The following SCHIP1 variants were observed in gnomAD, a reference collection of about 807,000 sequenced individuals.
SCHIP1 encodes schwannomin-interacting protein 1.
In SCHIP1, 8 loss-of-function variants were observed where a neutral mutation model predicts 29.7. The ratio of observed to expected loss-of-function variants is 0.27; its 90% CI spans 0.16 to 0.49. The LOEUF (loss-of-function observed/expected upper bound fraction) is 0.49, where lower values mean the gene tolerates loss of function less well. SCHIP1 is among the 20% of genes least tolerant of loss of function. The probability of loss-of-function intolerance (pLI) is 0.99; values close to 1 mark genes in which losing one functional copy is unlikely to be tolerated. For missense variants in SCHIP1, 193 were observed against 294.6 expected (o/e 0.66, Z 2.52); for synonymous variants, 76 against 94.9 (o/e 0.80, Z 1.16).
the SCHIP1 span, chr3:159,273,655 G>C: frequency 7.3e-7 from 1 of 1,368,922 alleles, no homozygotes; most frequent in Non-Finnish European, 9.4e-7. Flanking sequence ...TGAGCATGGT[G>C]GTTGATAACC....
chr3:159,299,330 T>A, the SCHIP1 span, among the ~76,000 whole-genome samples: 3 of 152,306 alleles, frequency 2.0e-5, no homozygotes, highest in South Asian at 6.2e-4. Context: ...GACTGTTTTA[T>A]CCTCTTACTC....
the SCHIP1 span, among the ~76,000 whole-genome samples, chr3:159,367,850 G>T: frequency 6.6e-6 from 1 of 152,106 alleles, no homozygotes; most frequent in African/African-American, 2.4e-5. Flanking sequence ...AATGTCACAA[G>T]ATAGCATATC....
At chr3:159,777,586 G>A in the SCHIP1 span, among the ~76,000 whole-genome samples, 14 of 152,270 alleles carry the variant, frequency 9.2e-5, no homozygotes, top group Middle Eastern at 3.4e-3. Flanking sequence ...TCAGGGAACT[G>A]TGTCATGATT....
chr3:159,556,626 G>A, the SCHIP1 span, among the ~76,000 whole-genome samples: 507 of 151,938 alleles, frequency 3.3e-3, 2 homozygotes, highest in African/African-American at 0.012. Context: ...TAGGGACATG[G>A]ATGAAATTGG....
the SCHIP1 span, among the ~76,000 whole-genome samples, chr3:159,313,851 A>T: frequency 2.0e-5 from 3 of 152,236 alleles, no homozygotes; most frequent in East Asian, 5.8e-4. Flanking sequence ...AACTCCTTTG[A>T]AGAATACTAT....
chr3:159,693,953 T>C, the SCHIP1 span, among the ~76,000 whole-genome samples: 9 of 152,204 alleles, frequency 5.9e-5, no homozygotes, highest in Non-Finnish European at 1.3e-4. Context: ...TACAGCTCTG[T>C]CTGCTTGAAT....
At chr3:159,556,068 CAAG>C in the SCHIP1 span, among the ~76,000 whole-genome samples, 4 of 152,078 alleles carry the variant, frequency 2.6e-5, no homozygotes, top group African/African-American at 9.6e-5. Context: ...AACAAATTTA[CAAG>C]AAAAAAACAA....
At chr3:159,597,216 T>C in the SCHIP1 span, among the ~76,000 whole-genome samples, 1 of 152,060 alleles carries the variant, frequency 6.6e-6, no homozygotes, top group Non-Finnish European at 1.5e-5. Context: ...ACTAATTATA[T>C]AGATATTTTT....
At chr3:159,728,835 C>T in the SCHIP1 span, among the ~76,000 whole-genome samples, 1 of 152,136 alleles carries the variant, frequency 6.6e-6, no homozygotes, top group Non-Finnish European at 1.5e-5. Context: ...TTTTGAAGCT[C>T]TCAGGTTTAC....
chr3:159,880,488 T>C (rs1577482938), intron 2 of SCHIP1, among the ~76,000 whole-genome samples: 2 of 152,362 alleles, frequency 1.3e-5, no homozygotes, highest in Middle Eastern at 6.8e-3. Flanking sequence ...ATCCAAGCAC[T>C]TGATATCTGT....
the SCHIP1 span, among the ~76,000 whole-genome samples, chr3:159,717,394 A>G: frequency 6.6e-6 from 1 of 152,240 alleles, no homozygotes; most frequent in East Asian, 1.9e-4. Context: ...AGCAGAACTG[A>G]AGGAGATAGA....
the SCHIP1 span, among the ~76,000 whole-genome samples, chr3:159,757,170 T>C: frequency 6.6e-6 from 1 of 152,212 alleles, no homozygotes; most frequent in Non-Finnish European, 1.5e-5. Context: ...ATGCTGCTGA[T>C]AAAGACATAC....
the SCHIP1 span, among the ~76,000 whole-genome samples, chr3:159,348,402 T>A: frequency 2.0e-5 from 3 of 152,152 alleles, no homozygotes; most frequent in Non-Finnish European, 4.4e-5. Context: ...TATTAAACCA[T>A]ATTTACACAA....
chr3:159,343,557 A>T, the SCHIP1 span, among the ~76,000 whole-genome samples: 1 of 152,184 alleles, frequency 6.6e-6, no homozygotes, highest in South Asian at 2.1e-4. Flanking sequence ...TTGATGGCAA[A>T]TCACAAGAGG....
chr3:159,602,834 C>T, the SCHIP1 span, among the ~76,000 whole-genome samples: 45 of 152,248 alleles, frequency 3.0e-4, no homozygotes, highest in African/African-American at 9.6e-4. Flanking sequence ...ACACAGAAGA[C>T]TTCTGTGACC....
chr3:159,390,571 A>G, the SCHIP1 span, among the ~76,000 whole-genome samples: 2 of 152,148 alleles, frequency 1.3e-5, no homozygotes, highest in Admixed American at 1.3e-4. Flanking sequence ...TAAAAAAACA[A>G]AACCAAACAA....
chr3:159,477,903 G>A, the SCHIP1 span, among the ~76,000 whole-genome samples: 110 of 149,028 alleles, frequency 7.4e-4, no homozygotes, highest in Admixed American at 3.9e-3. Context: ...TTTACACTTC[G>A]AGGTCTCATT....
chr3:159,856,128 T>A (rs911867989), intron 1 of SCHIP1, among the ~76,000 whole-genome samples: 6 of 152,186 alleles, frequency 3.9e-5, no homozygotes, highest in Non-Finnish European at 8.8e-5. Context: ...GATCCCCTGA[T>A]AAAGAACCAC....
the SCHIP1 span, among the ~76,000 whole-genome samples, chr3:159,597,352 C>T: frequency 9.2e-5 from 14 of 151,982 alleles, no homozygotes; most frequent in African/African-American, 3.4e-4. Context: ...GTATAGTCAC[C>T]CTACTCTGCT....
Sources: gnomAD v4.1 joint callset for allele counts (sites outside exome capture counted in the v4.1 genomes callset) on GRCh38, gnomAD v4.1.1 for gene constraint, MANE v1.5 for transcripts, NCBI Gene and HGNC (gene_info 2026-07-23, HGNC 2026-07-21) for gene names.